Variants in IL16 observed in about 807,000 individuals in gnomAD.
IL16 encodes the protein pro-interleukin-16.
In IL16, 67 loss-of-function variants were observed where a neutral mutation model predicts 110.1. The observed-to-expected ratio is 0.61, with a 90% CI of 0.50 to 0.75. IL16 has a LOEUF of 0.75. Ranked by LOEUF, IL16 falls within the 30% of genes least tolerant of loss-of-function variation. The probability of loss-of-function intolerance (pLI) is 0.00; values close to 1 mark genes in which losing one functional copy is unlikely to be tolerated. For missense variants in IL16, 1,545 were observed against 1,655.0 expected, an observed-to-expected ratio of 0.93 and a Z score of 1.15; for synonymous variants, 689 against 662.9, an observed-to-expected ratio of 1.04 and a Z score of -0.61.
At chr15:81,288,146 A>G (rs1899534637) in intron 10 of IL16, among the ~76,000 whole-genome samples, 1 of 152,230 alleles carries the variant, frequency 6.6e-6, no homozygotes, top group Admixed American at 6.5e-5. Context: ...GGTAAGGTTT[A>G]GAGCAGCAGA....
At chr15:81,255,654 A>G in intron 2 of IL16, among the ~76,000 whole-genome samples, 1 of 152,258 alleles carries the variant, frequency 6.6e-6, no homozygotes. Context: ...CTGAGGGGCC[A>G]AGTGGGGACC....
chr15:81,231,905 T>C (rs2142064201), intron 2 of IL16, among the ~76,000 whole-genome samples: 1 of 152,310 alleles, frequency 6.6e-6, no homozygotes, highest in East Asian at 1.9e-4. Context: ...GGATCACATA[T>C]GTATAGGTCT....
intron 1 of IL16, among the ~76,000 whole-genome samples, chr15:81,189,404 A>G (rs1250769184): frequency 6.6e-6 from 1 of 152,126 alleles, no homozygotes; most frequent in Non-Finnish European, 1.5e-5. Context: ...GATTACAAGC[A>G]TGAGCCACTG....
chr15:81,303,704 A>T lies in IL16; in HGVS notation c.3420+54A>T. On this transcript the variant is annotated intron_variant, in intron 16 of 18. Coordinates refer to ENST00000683961, the MANE Select transcript of IL16 (RefSeq NM_172217.5). The surrounding 1 kb of genome is among the most constrained non-coding windows in gnomAD (Gnocchi z 4.1). ...CAGCCAGAGGCAATGGTTCTGGGGG[A>T]GGGGGACACACTTGCCAGGAAGGGG... The T allele has an allele frequency of 1.7e-6, 2 of 1,193,314 alleles. No homozygotes were observed. Among genetic ancestry groups the T allele is most frequent in the Non-Finnish European group, 2.5e-6 (2 of 798,678 alleles). The allele number at this position is 1,193,314 out of a possible 1,614,324, so 73.9% of individuals were successfully genotyped here. A position where few individuals can be genotyped will look rare whatever the true frequency, so the allele number is the denominator to read the frequency against.
rs57484982 is a variant in IL16, at chr15:81,247,076, C to CTTTTTTTTTT, written c.313-12685_313-12676dup. Among the ~76,000 whole-genome samples, 329 of 92,552 alleles carry CTTTTTTTTTT rather than the reference C, an allele frequency of 3.6e-3. 1 individual carries two copies. Among genetic ancestry groups the CTTTTTTTTTT allele is most frequent in the African/African-American group, 4.3e-3 (89 of 20,768 alleles). 60.7% of individuals were successfully genotyped at this position (92,552 alleles called of 152,430 possible). On this transcript the variant is annotated intron_variant, in intron 2 of 18. Transcript: ENST00000683961. ...TTTGTGTTTTCTTTCTTTTCTTTTC[C>CTTTTTTTTTT]TTTTTTTTTTTTTTTTTTTTGATCT...
chr15:81,229,774 T>TGCCTCCCC (rs1896909016), intron 2 of IL16, among the ~76,000 whole-genome samples: 2 of 152,242 alleles, frequency 1.3e-5, no homozygotes, highest in Non-Finnish European at 2.9e-5. Flanking sequence ...CCTCCCTCCC[T>TGCCTCCCC]GCCTCCCCTC....
Position 81,306,010 on chromosome 15 carries a change from C to T in IL16, c.3523C>T (p.His1175Tyr), listed in dbSNP as rs189363588. Residue 1175 changes from histidine to tyrosine, a missense_variant, in exon 17 of 19, where the codon CAC becomes TAC. Transcript: ENST00000683961. Reference protein sequence around the residue: ...INGKSLKGTTHHDALAILRQA... With the variant: ...INGKSLKGTTYHDALAILRQA... ...CGGCAAGTCTCTCAAGGGGACCACG[C>T]ACCATGATGCCTTGGCCATCCTCCG... 6.2e-7 allele frequency: 1 copy of T among 1,614,236 alleles called. No homozygotes were observed. The highest frequency in any genetic ancestry group is 8.5e-7 in the Non-Finnish European group (1 of 1,180,050).
In IL16 at chr15:81,203,010, C is replaced by T. The variant is rs1356449746; in HGVS notation, c.-102+5858C>T. On this transcript the variant is annotated intron_variant, in intron 1 of 18. Transcript: ENST00000683961. The stretch of plus-strand genomic sequence containing the variant: ...TGTTGTTTCCTGACTTTTTAATGAT[C>T]ACCATTCTAACTGGTGTGAGATGAT... Among the ~76,000 whole-genome samples the T allele has an allele frequency of 5.3e-5, 8 of 152,042 alleles. No individual in the cohort carries two copies. The East Asian group carries it at 5.8e-4, about 11-fold the overall frequency.
intron 1 of IL16, among the ~76,000 whole-genome samples, chr15:81,213,215 T>C (rs1178496355): frequency 6.6e-6 from 1 of 152,238 alleles, no homozygotes; most frequent in African/African-American, 2.4e-5. Flanking sequence ...TTCTTGATAC[T>C]GATTTCTATT....
rs1472888916 is a variant in IL16 at position 81,269,594 on chromosome 15, G to T, written c.621G>T (p.Gly207=). The change falls in exon 5 of 19, where the codon GGG becomes GGT. Residue 207 remains glycine (G), a synonymous_variant. Coordinates refer to ENST00000683961, the MANE Select transcript of IL16 (RefSeq NM_172217.5). ...LSTAQLVQPS[G]GLQASVISNI... ...CAGCTCAGCTCGTGCAGCCATCTGG[G>T]GGCCTCCAGGCTTCAGTCATCTCCA... 2.5e-6 allele frequency: 4 copies of T among 1,614,134 alleles called. No homozygotes were observed. Among genetic ancestry groups the T allele is most frequent in the Non-Finnish European group, 3.4e-6 (4 of 1,179,998 alleles).
At chr15:81,213,774 G>A (rs938853147) in intron 1 of IL16, among the ~76,000 whole-genome samples, 1 of 152,098 alleles carries the variant, frequency 6.6e-6, no homozygotes, top group Non-Finnish European at 1.5e-5. Flanking sequence ...TGGGAGCTAC[G>A]TGAAATAGGT....
intron 1 of IL16, among the ~76,000 whole-genome samples, chr15:81,187,431 TA>T (rs925386971): frequency 2.0e-5 from 3 of 152,204 alleles, no homozygotes; most frequent in East Asian, 1.9e-4. Flanking sequence ...ACCCCATCTC[TA>T]AAAAAATTAA....
intron 1 of IL16, among the ~76,000 whole-genome samples, chr15:81,204,528 A>G (rs2141966096): frequency 6.6e-6 from 1 of 152,138 alleles, no homozygotes; most frequent in East Asian, 1.9e-4. Context: ...AGTTTTTAGC[A>G]TGATGGGTTG....
intron 4 of IL16, among the ~76,000 whole-genome samples, chr15:81,266,983 T>TGTCCC (rs1422376111): frequency 6.6e-6 from 1 of 152,036 alleles, no homozygotes; most frequent in African/African-American, 2.4e-5. Flanking sequence ...TGTGGTGTCC[T>TGTCCC]AGTGTTAGAA....
chr15:81,227,468 G>A (rs1177720844), intron 2 of IL16, among the ~76,000 whole-genome samples: 2 of 152,160 alleles, frequency 1.3e-5, no homozygotes, highest in Non-Finnish European at 2.9e-5. Flanking sequence ...ATTGCAGGCA[G>A]TGGGAACAGC....
chr15:81,289,584 G>A (rs1361614204), intron 10 of IL16, among the ~76,000 whole-genome samples: 1 of 152,182 alleles, frequency 6.6e-6, no homozygotes, highest in African/African-American at 2.4e-5. Flanking sequence ...CTTCTTTGAA[G>A]AAATGTCTAT....
In IL16 at chr15:81,299,888, G is replaced by T; in HGVS notation, c.2562G>T (p.Leu854=). 1.9e-6 allele frequency: 3 copies of T among 1,613,524 alleles called. No homozygotes were observed. The South Asian group carries it at 3.3e-5, about 18-fold the overall frequency. ...TTGAAACCTTTGGCTCCTCTCAACT[G>T]CCTGACAAAGGAGCCCAGAGACTGA... ...SSFETFGSSQ[L]PDKGAQRLSL... is the part of the protein sequence containing the mutation. The change falls in exon 14 of 19, where the codon CTG becomes CTT. Residue 854 remains leucine, a synonymous_variant. Transcript: ENST00000683961.
chr15:81,200,324 A>C, intron 1 of IL16, among the ~76,000 whole-genome samples: 1 of 151,684 alleles, frequency 6.6e-6, no homozygotes, highest in East Asian at 1.9e-4. Flanking sequence ...ATGGTAAGTC[A>C]AGATTTTTTT....
intron 4 of IL16, 95 bp downstream of exon 4, chr15:81,265,896 G>GT (rs1898360812): frequency 3.3e-6 from 4 of 1,217,992 alleles, no homozygotes; most frequent in Middle Eastern, 2.6e-4. Flanking sequence ...CTTCCCAGTA[G>GT]TTTTTTTGTC....
Sources: allele counts gnomAD v4.1 joint callset (sites outside exome capture counted in the v4.1 genomes callset), GRCh38; gene constraint gnomAD v4.1.1; non-coding constraint Gnocchi (gnomAD v3.1); transcripts MANE v1.5; gene names NCBI Gene and HGNC (gene_info 2026-07-23, HGNC 2026-07-21).